The following CSGALNACT1 variants were observed in gnomAD, a reference collection of about 807,000 sequenced individuals.
CSGALNACT1 encodes the protein chondroitin sulfate N-acetylgalactosaminyltransferase 1.
Under a neutral mutation model 51.0 loss-of-function variants are expected in CSGALNACT1, and 52 were observed. That is an observed-to-expected ratio of 1.02 (90% CI 0.82 to 1.29). The LOEUF (loss-of-function observed/expected upper bound fraction) is 1.29, where lower values mean the gene tolerates loss of function less well. Ranked by LOEUF, CSGALNACT1 falls within the 50% of genes most tolerant of loss-of-function variation. The pLI is 0.00. For synonymous variants in CSGALNACT1, 341 were observed against 254.4 expected (o/e 1.34, Z -3.24); for missense variants, 935 against 679.2 (o/e 1.38, Z -4.19).
At chr8:19,469,774 C>T (rs981457647) in intron 4 of CSGALNACT1, among the ~76,000 whole-genome samples, 17 of 152,162 alleles carry the variant, frequency 1.1e-4, no homozygotes, top group Admixed American at 1.1e-3. Flanking sequence ...CCTTTTCACA[C>T]GACCCCATTC....
intron 3 of CSGALNACT1, among the ~76,000 whole-genome samples, chr8:19,586,023 A>G (rs1046832953): frequency 6.6e-6 from 1 of 152,144 alleles, no homozygotes; most frequent in African/African-American, 2.4e-5. Context: ...TTTTCTTTCA[A>G]CATGAAACCA....
chr8:19,643,913 T>A (rs1348461821), intron 1 of CSGALNACT1, among the ~76,000 whole-genome samples: 1 of 152,210 alleles, frequency 6.6e-6, no homozygotes, highest in African/African-American at 2.4e-5. Context: ...AAGGTGGTCT[T>A]ACTTTTTGAC....
At chr8:19,471,781 G>A (rs763546470) in intron 4 of CSGALNACT1, among the ~76,000 whole-genome samples, 55 of 152,152 alleles carry the variant, frequency 3.6e-4, no homozygotes, top group Non-Finnish European at 6.0e-4. Context: ...AAAACTCAAC[G>A]GAAGAGATGG....
At chr8:19,724,262 C>T (rs1161033715) in intron 1 of CSGALNACT1, among the ~76,000 whole-genome samples, 1 of 152,220 alleles carries the variant, frequency 6.6e-6, no homozygotes, top group Non-Finnish European at 1.5e-5. Context: ...ATGCATCTCA[C>T]TGGGCTAAAA....
At chr8:19,740,383 G>A (rs1266097005) in intron 1 of CSGALNACT1, among the ~76,000 whole-genome samples, 1 of 152,202 alleles carries the variant, frequency 6.6e-6, no homozygotes, top group African/African-American at 2.4e-5. Context: ...GCTCTCTCTA[G>A]GCTTGGGGTG....
At chr8:19,602,867 A>G (rs550665769), upstream of CSGALNACT1, 5 of 152,280 alleles carry the variant, frequency 3.3e-5, no homozygotes, top group South Asian at 6.2e-4. Flanking sequence ...GTTGTCTTCA[A>G]TTAACGAAGG....
intron 3 of CSGALNACT1, among the ~76,000 whole-genome samples, chr8:19,523,584 C>T (rs2081133684): frequency 6.6e-6 from 1 of 152,146 alleles, no homozygotes; most frequent in South Asian, 2.1e-4. Context: ...TGGTACTATT[C>T]ACACCCAGGC....
chr8:19,623,993 G>A (rs547264999), intron 1 of CSGALNACT1, among the ~76,000 whole-genome samples: 5 of 152,300 alleles, frequency 3.3e-5, no homozygotes, highest in South Asian at 2.1e-4. Context: ...TCCGGTCCCC[G>A]GGCAGCTACT....
rs565366396 is a variant in CSGALNACT1 at position 19,487,746 on chromosome 8, C to T, written c.634+17455G>A. 1.1e-4 allele frequency among the ~76,000 whole-genome samples: 17 copies of T among 152,202 alleles called. 1 individual carries two copies. The South Asian group carries it at 2.7e-3, about 24-fold the overall frequency. ...CATATGCAGACTGAGATATCCTTCC[C>T]ATGCCATCCATCTTCTAATAGGATT... On this transcript the variant is annotated intron_variant, in intron 4 of 9. Transcript: ENST00000454498.
chr8:19,488,370 CATATATATATATATATAT>C (rs56988602), intron 4 of CSGALNACT1, among the ~76,000 whole-genome samples: 3,425 of 114,434 alleles, frequency 0.03, 100 homozygotes, highest in African/African-American at 0.078. Flanking sequence ...TTTATATATA[CATATATATATATATATAT>C]ATATATATAT....
At chr8:19,513,371 T>C (rs1276376407) in intron 3 of CSGALNACT1, among the ~76,000 whole-genome samples, 1 of 148,198 alleles carries the variant, frequency 6.7e-6, no homozygotes, top group Non-Finnish European at 1.5e-5. Context: ...ACGCTCCCAA[T>C]TCCTACACCC....
Position 19,649,209 on chromosome 8 carries a change from T to C in CSGALNACT1, c.-544+33264A>G, listed in dbSNP as rs1049067963. ...GGAGGCACAAGGAGGTTTAGTCACT[T>C]GCCCAGGATCACAAAGTTGGTGGCC... is the stretch of plus-strand genomic sequence containing the variant. On this transcript the variant is annotated intron_variant, in intron 1 of 9. Coordinates refer to the CSGALNACT1 transcript ENST00000332246. Among the ~76,000 whole-genome samples, 5 of 152,232 alleles carry C rather than the reference T, an allele frequency of 3.3e-5. No individual in the cohort carries two copies. In the East Asian group the frequency reaches 9.6e-4, roughly 29 times the overall value.
intron 3 of CSGALNACT1, among the ~76,000 whole-genome samples, chr8:19,525,023 A>G (rs2081393899): frequency 6.6e-6 from 1 of 152,208 alleles, no homozygotes; most frequent in African/African-American, 2.4e-5. Flanking sequence ...TGCCTAGCAC[A>G]AACTGACCAC....
intron 1 of CSGALNACT1, among the ~76,000 whole-genome samples, chr8:19,656,675 T>C (rs553960818): frequency 7.2e-6 from 1 of 138,804 alleles, no homozygotes; most frequent in East Asian, 2.1e-4. Context: ...CAATCATGTC[T>C]AAAAGAAATA....
At chr8:19,714,506 T>C (rs1304829424) in intron 1 of CSGALNACT1, among the ~76,000 whole-genome samples, 3 of 152,154 alleles carry the variant, frequency 2.0e-5, no homozygotes, top group Admixed American at 2.0e-4. Context: ...AACTATATGT[T>C]AGACTGATTT....
At chr8:19,507,244 G>A (rs1439242428) in intron 3 of CSGALNACT1, among the ~76,000 whole-genome samples, 1 of 152,054 alleles carries the variant, frequency 6.6e-6, no homozygotes, top group African/African-American at 2.4e-5. Flanking sequence ...TGTCCTGTTG[G>A]GACCCAAATC....
chr8:19,556,110 G>C (rs2089647950), intron 3 of CSGALNACT1, among the ~76,000 whole-genome samples: 1 of 152,146 alleles, frequency 6.6e-6, no homozygotes, highest in South Asian at 2.1e-4. Flanking sequence ...GGGCAGGGTG[G>C]TTCATGCCTG....
chr8:19,443,566 T>C (rs1406182984), intron 5 of CSGALNACT1, among the ~76,000 whole-genome samples: 3 of 152,162 alleles, frequency 2.0e-5, no homozygotes, highest in Non-Finnish European at 4.4e-5. Context: ...GCAAGAGAGC[T>C]TGTGCAGGGG....
At chr8:19,575,679 G>T (rs2044036967) in intron 3 of CSGALNACT1, among the ~76,000 whole-genome samples, 2 of 152,098 alleles carry the variant, frequency 1.3e-5, no homozygotes, top group Admixed American at 6.5e-5. Flanking sequence ...TAGTATAATG[G>T]CTTATCAAAA....
Sources: allele counts gnomAD v4.1 joint callset (sites outside exome capture counted in the v4.1 genomes callset), GRCh38; gene constraint gnomAD v4.1.1; transcripts MANE v1.5; gene names NCBI Gene and HGNC (gene_info 2026-07-23, HGNC 2026-07-21).